Variants in MAP2K6 observed in about 807,000 individuals in gnomAD.
MAP2K6 encodes the protein dual specificity mitogen-activated protein kinase kinase 6.
MAP2K6 carries 16 observed loss-of-function variants against 53.7 expected under a neutral mutation model. The observed-to-expected ratio is 0.30, with a 90% CI of 0.20 to 0.45. The LOEUF (loss-of-function observed/expected upper bound fraction) is 0.45. Ranked by LOEUF, MAP2K6 falls within the 20% of genes least tolerant of loss-of-function variation. The pLI is 1.00. For missense variants in MAP2K6, 204 were observed against 411.9 expected (o/e 0.50, Z 4.37); for synonymous variants, 132 against 143.1 (o/e 0.92, Z 0.55).
intron 1 of MAP2K6, among the ~76,000 whole-genome samples, chr17:69,418,954 A>C (rs1391689714): frequency 6.6e-6 from 1 of 152,182 alleles, no homozygotes; most frequent in Non-Finnish European, 1.5e-5. Flanking sequence ...ACTCACTCAA[A>C]GTCATACCAC....
chr17:69,529,839 A>T (rs1013929543), intron 10 of MAP2K6, among the ~76,000 whole-genome samples: 12 of 152,122 alleles, frequency 7.9e-5, no homozygotes, highest in Non-Finnish European at 1.6e-4. Context: ...GTATGCACAC[A>T]TATATGGAAG....
chr17:69,416,242 G>A (rs1218563853), intron 1 of MAP2K6, among the ~76,000 whole-genome samples: 2 of 152,114 alleles, frequency 1.3e-5, no homozygotes, highest in Non-Finnish European at 2.9e-5. Flanking sequence ...TCTACCTGAT[G>A]GGAGTCATAT....
chr17:69,496,242 A>G (rs1233648572), intron 1 of MAP2K6, among the ~76,000 whole-genome samples: 1 of 150,706 alleles, frequency 6.6e-6, no homozygotes, highest in South Asian at 2.1e-4. Context: ...GATTCTTCGA[A>G]ATGTTCTTAG....
chr17:69,502,831 TTCTC>T (rs766130158), intron 1 of MAP2K6: 34 of 438,178 alleles, frequency 7.8e-5, no homozygotes, highest in Non-Finnish European at 9.7e-5. Context: ...GCTAAAAACT[TTCTC>T]TCTTTTTTAC....
At chr17:69,427,088 C>T (rs1041817116) in intron 1 of MAP2K6, among the ~76,000 whole-genome samples, 2 of 152,154 alleles carry the variant, frequency 1.3e-5, no homozygotes, top group South Asian at 2.1e-4. Flanking sequence ...CAATAATCAA[C>T]GTCTAGCTGG....
At chr17:69,471,288 G>T (rs897765534) in intron 1 of MAP2K6, among the ~76,000 whole-genome samples, 12 of 152,144 alleles carry the variant, frequency 7.9e-5, no homozygotes, top group Non-Finnish European at 1.8e-4. Flanking sequence ...ATCAGTGGTT[G>T]ACTGGATAAA....
At position 69,551,971 on chromosome 17, in the gene MAP2K6, A is replaced by T. The variant is rs1463286241; in HGVS notation, c.*10218A>T. On this transcript the variant is annotated 3_prime_UTR_variant, in exon 12 of 12. Transcript: ENST00000590474. ...AACTTTACAAGAATTTTAATAAAAG[A>T]GGTGGATTTCTTCAGCTTTCTTTGT... 1 of 152,234 alleles carries T rather than the reference A, an allele frequency of 6.6e-6. No homozygotes were observed. The highest frequency in any genetic ancestry group is 1.5e-5 in the Non-Finnish European group (1 of 68,040). 9.4% of individuals were successfully genotyped at this position (152,234 alleles called of 1,614,324 possible).
chr17:69,499,355 C>T (rs1909068320), intron 1 of MAP2K6, among the ~76,000 whole-genome samples: 1 of 152,168 alleles, frequency 6.6e-6, no homozygotes, highest in South Asian at 2.1e-4. Flanking sequence ...TATGCTACAC[C>T]CTGCTAGGCT....
At chr17:69,534,992 A>G (rs1391764171) in intron 10 of MAP2K6, among the ~76,000 whole-genome samples, 2 of 122,462 alleles carry the variant, frequency 1.6e-5, no homozygotes, top group Non-Finnish European at 3.6e-5. Flanking sequence ...TTTTTTTTTC[A>G]TTTTAAGGCC....
rs1004573700 is a variant in MAP2K6, at chr17:69,549,346, T to A, written c.*7593T>A. On this transcript the variant is annotated 3_prime_UTR_variant, in exon 12 of 12. Transcript: ENST00000590474. The stretch of plus-strand genomic sequence containing the variant: ...TGAATTCAGGGAGCGTATTGGCAAG[T>A]TTAGGCACTTACTTGTGTCTTAATG... 1 of 152,188 alleles carries A rather than the reference T, an allele frequency of 6.6e-6. No homozygotes were observed. The highest frequency in any genetic ancestry group is 1.9e-4 in the East Asian group (1 of 5,198). The allele number at this position is 152,188 out of a possible 1,614,324, so 9.4% of individuals were successfully genotyped here.
intron 9 of MAP2K6, among the ~76,000 whole-genome samples, chr17:69,525,286 T>A (rs149865837): frequency 1.3e-5 from 2 of 152,260 alleles, no homozygotes; most frequent in East Asian, 1.9e-4. Flanking sequence ...TCTGACCAGA[T>A]TCCTTATAGT....
intron 2 of MAP2K6, among the ~76,000 whole-genome samples, chr17:69,509,783 G>T (rs1170507920): frequency 6.6e-6 from 1 of 151,998 alleles, no homozygotes; most frequent in Non-Finnish European, 1.5e-5. Context: ...TACTTATGAG[G>T]TTGAAAAGGT....
At chr17:69,524,806 G>A (rs1160856864) in intron 8 of MAP2K6, 95 bp from the exon 9 acceptor site, 1 of 852,020 alleles carries the variant, frequency 1.2e-6, no homozygotes, top group African/African-American at 1.7e-5. Context: ...CAACTCACTT[G>A]GCAGCTGGTG....
chr17:69,458,316 G>A (rs35514878), intron 1 of MAP2K6, among the ~76,000 whole-genome samples: 36,749 of 152,064 alleles, frequency 0.24, 4,627 homozygotes, highest in Middle Eastern at 0.3. Flanking sequence ...GCCTCCCAAA[G>A]TGCTGGGATT....
In MAP2K6 at chr17:69,523,756, G is replaced by A. The variant is rs1218092411; in HGVS notation, c.663+115G>A. ...TGGAAATGTACCTAAGACTCCAGAA[G>A]TAGTCTGCCTCTTAGTATTTCTTCA... On this transcript the variant is annotated intron_variant, in intron 8 of 11. Coordinates refer to ENST00000590474, the MANE Select transcript of MAP2K6 (RefSeq NM_002758.4). 4 of 1,298,844 alleles carry A rather than the reference G, an allele frequency of 3.1e-6. No homozygotes were observed. The South Asian group carries it at 3.9e-5, about 13-fold the overall frequency. The allele number at this position is 1,298,844 out of a possible 1,614,324, so 80.5% of individuals were successfully genotyped here.
intron 1 of MAP2K6, among the ~76,000 whole-genome samples, chr17:69,432,339 AG>A (rs1342532985): frequency 1.3e-5 from 2 of 152,246 alleles, no homozygotes; most frequent in Non-Finnish European, 2.9e-5. Context: ...TCTATTATGA[AG>A]ATACATGCAC....
At chr17:69,541,311 CTAT>C (rs1911616755) in intron 11 of MAP2K6, among the ~76,000 whole-genome samples, 1 of 152,148 alleles carries the variant, frequency 6.6e-6, no homozygotes, top group South Asian at 2.1e-4. Flanking sequence ...TATCTTACTA[CTAT>C]ATTAGCCTAA....
chr17:69,516,939 G>A (rs372603879), intron 3 of MAP2K6, 36 bp downstream of exon 3: 2 of 1,491,590 alleles, frequency 1.3e-6, no homozygotes, highest in Non-Finnish European at 1.9e-6. Context: ...TAATACGTTG[G>A]CCATTTTATA....
chr17:69,522,129 A>G (rs555120452), intron 7 of MAP2K6, among the ~76,000 whole-genome samples: 1 of 152,308 alleles, frequency 6.6e-6, no homozygotes, highest in South Asian at 2.1e-4. Context: ...GGGAAGAATA[A>G]TGGAATGTAT....
Sources: gnomAD v4.1 joint callset for allele counts (sites outside exome capture counted in the v4.1 genomes callset) on GRCh38, gnomAD v4.1.1 for gene constraint, MANE v1.5 for transcripts, NCBI Gene and HGNC (gene_info 2026-07-23, HGNC 2026-07-21) for gene names.